UBASH3A: variants seen among roughly 807,000 people sequenced by gnomAD.
UBASH3A encodes ubiquitin associated and SH3 domain containing A.
A neutral mutation model predicts 73.5 loss-of-function variants in UBASH3A; 63 were observed. That is an observed-to-expected ratio of 0.86 (90% CI 0.70 to 1.06). The LOEUF (loss-of-function observed/expected upper bound fraction) is 1.06, where lower values mean the gene tolerates loss of function less well. Among genes scored for constraint, UBASH3A ranks in the 50% least tolerant of loss-of-function variants. The probability of loss-of-function intolerance (pLI) is 0.00; values close to 1 mark genes in which losing one functional copy is unlikely to be tolerated. For missense variants in UBASH3A, 860 were observed against 859.0 expected (o/e 1.00, Z -0.02); for synonymous variants, 363 against 351.1 (o/e 1.03, Z -0.38).
In UBASH3A at chr21:42,413,104, C is replaced by G. The variant is rs780252174; in HGVS notation, c.435C>G (p.Ala145=). Residue 145 remains alanine, a synonymous_variant, in exon 4 of 15, where the codon GCC becomes GCG. Coordinates refer to ENST00000319294, the MANE Select transcript of UBASH3A (RefSeq NM_018961.4). The surrounding 1 kb of genome is among the most constrained non-coding windows in gnomAD (Gnocchi z 4.5). ...GGCTCCTGGGCTCCTTCCCCACGGC[C>G]GTGCCTCTGGCTCTCCACTCCTCCA... The part of the protein sequence containing the change: ...GDRLLGSFPT[A]VPLALHSSIS... The G allele has an allele frequency of 6.2e-7, 1 of 1,614,212 alleles. No individual in the cohort carries two copies. Among genetic ancestry groups the G allele is most frequent in the East Asian group, 2.2e-5 (1 of 44,882 alleles).
intron 11 of UBASH3A, among the ~76,000 whole-genome samples, chr21:42,439,839 CA>C (rs2146599762): frequency 6.8e-6 from 1 of 146,538 alleles, no homozygotes; most frequent in African/African-American, 2.5e-5. Flanking sequence ...CACACCCACA[CA>C]CAACACACAA....
In UBASH3A at chr21:42,409,504, C is replaced by T; in HGVS notation, c.250C>T (p.Leu84=). 1.2e-6 allele frequency: 2 copies of T among 1,614,180 alleles called. No homozygotes were observed. Among genetic ancestry groups the T allele is most frequent in the Non-Finnish European group, 1.7e-6 (2 of 1,180,026 alleles). Residue 84 remains leucine (L), a synonymous_variant, in exon 3 of 15, where the codon CTG becomes TTG. Transcript: ENST00000319294. Reference sequence around the variant, plus strand: ...CCTTTTCCTCTGTCCAACGGGGCCCCTGCTGGAAAAACTTCAAGAGTTCTG... The same window carrying T: ...CCTTTTCCTCTGTCCAACGGGGCCCTTGCTGGAAAAACTTCAAGAGTTCTG... ...YALFLCPTGP[L]LEKLQEFWRE...
chr21:42,443,346 G>T lies in UBASH3A; in HGVS notation c.1666G>T (p.Glu556Ter). Reference protein sequence around the residue: ...AFPLSALMPAESYQEYMDRCT... With the variant: ...AFPLSALMPA ...TCCCCTGTCCGCCCTCATGCCGGCC[G>T]AGAGCTACCAGGAGTACATGGACAG... Residue 556 changes from glutamate to a stop codon, truncating the protein, a stop_gained, in exon 13 of 15, where the codon GAG becomes TAG. Transcript: ENST00000319294. LOFTEE classifies it high-confidence loss of function. 1 of 1,613,110 alleles carries T rather than the reference G, an allele frequency of 6.2e-7. No individual in the cohort carries two copies. The highest frequency in any genetic ancestry group is 2.2e-5 in the East Asian group (1 of 44,800).
rs181552698 is a variant in UBASH3A, at chr21:42,430,420, C to T, written c.1171-1683C>T. Reference sequence around the variant, plus strand: ...TGTATGAGGGTTTATGCAGACAAGGCTTACCTCTCCTCACCTCTCTTCCTT... The same window carrying T: ...TGTATGAGGGTTTATGCAGACAAGGTTTACCTCTCCTCACCTCTCTTCCTT... On this transcript the variant is annotated intron_variant, in intron 8 of 14. Transcript: ENST00000319294. 1.5e-3 allele frequency among the ~76,000 whole-genome samples: 228 copies of T among 152,290 alleles called. 2 individuals carry two copies. The highest frequency in any genetic ancestry group is 2.9e-3 in the Non-Finnish European group (199 of 68,010).
chr21:42,411,213 C>T (rs2053087230), intron 3 of UBASH3A, among the ~76,000 whole-genome samples: 1 of 151,816 alleles, frequency 6.6e-6, no homozygotes, highest in Non-Finnish European at 1.5e-5. Context: ...TATATACATG[C>T]ATACATGGAT....
At chr21:42,415,432 TG>T (rs2053181441) in intron 5 of UBASH3A, among the ~76,000 whole-genome samples, 1 of 152,236 alleles carries the variant, frequency 6.6e-6, no homozygotes, top group Admixed American at 6.5e-5. Flanking sequence ...GCTTCCCATT[TG>T]CCTCTAAAGG....
chr21:42,434,695 T>A, intron 9 of UBASH3A, 137 bp from the exon 10 acceptor site: 1 of 979,252 alleles, frequency 1.0e-6, no homozygotes, highest in Non-Finnish European at 1.5e-6. Context: ...TTGCAGAGAA[T>A]GTTCAGAAAC....
chr21:42,427,619 C>T (rs1290920472), intron 8 of UBASH3A, among the ~76,000 whole-genome samples: 1 of 152,198 alleles, frequency 6.6e-6, no homozygotes, highest in Non-Finnish European at 1.5e-5. Context: ...GGCTAGGAAG[C>T]TTGTCGGAGA....
intron 11 of UBASH3A, among the ~76,000 whole-genome samples, chr21:42,439,655 A>ACACACACCACACACACAC (rs2053693840): frequency 6.6e-6 from 1 of 150,842 alleles, no homozygotes; most frequent in Non-Finnish European, 1.5e-5. Flanking sequence ...ACACACATCC[A>ACACACACCACACACACAC]CACACACCAC....
At chr21:42,446,936 C>T (rs747700671) in intron 14 of UBASH3A, 121 bp from the exon 15 acceptor site, 81 of 1,144,922 alleles carry the variant, frequency 7.1e-5, no homozygotes, top group Middle Eastern at 2.6e-4. Flanking sequence ...GTGGCAGTGC[C>T]AGCCTGGGCA....
At chr21:42,418,355 T>C in intron 6 of UBASH3A, 46 bp from the exon 7 acceptor site, 1 of 1,570,712 alleles carries the variant, frequency 6.4e-7, no homozygotes, top group Non-Finnish European at 8.8e-7. Context: ...CATTTTCCAA[T>C]GTAAATCTTT....
At position 42,447,128 on chromosome 21, in the gene UBASH3A, G is replaced by A. The variant is rs147504532; in HGVS notation, c.1920G>A (p.Pro640=). 270 of 1,614,138 alleles carry A rather than the reference G, an allele frequency of 1.7e-4. No individual in the cohort carries two copies. The highest frequency in any genetic ancestry group is 1.5e-3 in the African/African-American group (112 of 75,060). ...EEGKWELVNP[P]VKTLTHGANA... ...GAAAATGGGAGTTGGTGAACCCACC[G>A]GTGAAGACCCTGACCCACGGGGCGA... The change falls in exon 15 of 15, where the codon CCG becomes CCA. Residue 640 remains proline (P), a synonymous_variant. Coordinates refer to ENST00000319294, the MANE Select transcript of UBASH3A (RefSeq NM_018961.4).
In UBASH3A at chr21:42,434,842, C is replaced by T; in HGVS notation, c.1281C>T (p.Tyr427=). The T allele has an allele frequency of 1.9e-6, 3 of 1,613,736 alleles. No homozygotes were observed. The highest frequency in any genetic ancestry group is 2.5e-6 in the Non-Finnish European group (3 of 1,179,846). ...QQCSTPDGKY[Y]RPDLNFPCSL... Reference sequence around the variant, plus strand: ...TTATTTATACTTCAGGGAAATACTACAGGCCAGACCTGAATTTCCCCTGCA... The same window carrying T: ...TTATTTATACTTCAGGGAAATACTATAGGCCAGACCTGAATTTCCCCTGCA... The change falls in exon 10 of 15, where the codon TAC becomes TAT. Residue 427 remains tyrosine, a synonymous_variant. Transcript: ENST00000319294.
chr21:42,417,887 T>C lies in UBASH3A; in HGVS notation c.838-514T>C, dbSNP rs867937544. Among the ~76,000 whole-genome samples, 404 of 140,134 alleles carry C rather than the reference T, an allele frequency of 2.9e-3. 1 individual carries two copies. The highest frequency in any genetic ancestry group is 0.011 in the African/African-American group (390 of 37,094). 91.9% of individuals were successfully genotyped at this position (140,134 alleles called of 152,430 possible). ...TTTTTTTTCTTTTTTTCTTTTTTTT[T>C]TTTTTTTTTTTTTGAGAGGGAGTCT... On this transcript the variant is annotated intron_variant, in intron 6 of 14. Transcript: ENST00000319294.
chr21:42,445,262 A>C (rs1241857104), intron 14 of UBASH3A, among the ~76,000 whole-genome samples: 2 of 152,232 alleles, frequency 1.3e-5, no homozygotes, highest in Non-Finnish European at 2.9e-5. Context: ...ATCCCACCCC[A>C]GTCCCAGCCC....
rs367812082 is a variant in UBASH3A at position 42,413,164 on chromosome 21, C to T, written c.495C>T (p.Pro165=). The T allele has an allele frequency of 6.4e-5, 103 of 1,614,082 alleles. No homozygotes were observed. Among genetic ancestry groups the T allele is most frequent in the African/African-American group, 1.6e-4 (12 of 74,910 alleles). Reference sequence around the variant, plus strand: ...TCGGCTTCTTCGTCAGTGGCAGCCCCGCAGACGTCATCCGGGAATTCGCCA... The same window carrying T: ...TCGGCTTCTTCGTCAGTGGCAGCCCTGCAGACGTCATCCGGGAATTCGCCA... ...SYLGFFVSGS[P]ADVIREFAMT... is the part of the protein sequence containing the mutation. The change falls in exon 4 of 15, where the codon CCC becomes CCT. Residue 165 remains proline (P), a synonymous_variant. Transcript: ENST00000319294. This position sits in a 1 kb window ranked among gnomAD's most constrained non-coding sequence, Gnocchi z 4.5.
chr21:42,422,906 G>A (rs552408492), intron 7 of UBASH3A, among the ~76,000 whole-genome samples: 61 of 152,290 alleles, frequency 4.0e-4, no homozygotes, highest in African/African-American at 1.1e-3. Flanking sequence ...CATGGTTACC[G>A]GTGGGTGTTG....
intron 5 of UBASH3A, 151 bp from the exon 6 acceptor site, chr21:42,416,290 CA>C (rs2053205013): frequency 1.4e-6 from 1 of 714,470 alleles, no homozygotes; most frequent in African/African-American, 1.9e-5. Flanking sequence ...TACAGGGATC[CA>C]GCCATCTCCT....
chr21:42,436,525 G>C (rs2053630440), intron 10 of UBASH3A, among the ~76,000 whole-genome samples: 1 of 152,158 alleles, frequency 6.6e-6, no homozygotes. Flanking sequence ...CACTGGATTA[G>C]AGCCCACCCT....
Sources: gnomAD v4.1 joint callset for allele counts (sites outside exome capture counted in the v4.1 genomes callset) on GRCh38, gnomAD v4.1.1 for gene constraint, Gnocchi (gnomAD v3.1) non-coding constraint, MANE v1.5 for transcripts, NCBI Gene and HGNC (gene_info 2026-07-23, HGNC 2026-07-21) for gene names.